The following TUBAL3 variants were observed in gnomAD, a reference collection of about 807,000 sequenced individuals.
TUBAL3 encodes tubulin alpha chain-like 3.
A neutral mutation model predicts 15.5 loss-of-function variants in TUBAL3; 16 were observed. The ratio of observed to expected loss-of-function variants is 1.04; its 90% CI spans 0.70 to 1.57. TUBAL3 has a LOEUF of 1.57. Ranked by LOEUF, TUBAL3 falls within the 40% of genes most tolerant of loss-of-function variation. The probability of loss-of-function intolerance (pLI) is 0.00; values close to 1 mark genes in which losing one functional copy is unlikely to be tolerated. For synonymous variants in TUBAL3, 238 were observed against 224.3 expected (o/e 1.06, Z -0.55); for missense variants, 609 against 576.2 (o/e 1.06, Z -0.58).
At position 5,397,873 on chromosome 10, in the gene TUBAL3, C is replaced by A. The variant is rs6601958; in HGVS notation, c.248-2398G>T. Among the ~76,000 whole-genome samples, 1 of 151,982 alleles carries A rather than the reference C, an allele frequency of 6.6e-6. No homozygotes were observed. Among genetic ancestry groups the A allele is most frequent in the Admixed American group, 6.5e-5 (1 of 15,278 alleles). On this transcript the variant is annotated intron_variant, in intron 2 of 3. Transcript: ENST00000380419. The surrounding 1 kb of genome is among the most constrained non-coding windows in gnomAD (Gnocchi z 4.9). Reference sequence around the variant, plus strand: ...TTGAGCCTGCCCCAGACCATCTTCCCAGACTCATCCCCTGCTTTGAGCTCC... The same window carrying A: ...TTGAGCCTGCCCCAGACCATCTTCCAAGACTCATCCCCTGCTTTGAGCTCC...
intron 2 of TUBAL3, 61 bp downstream of exon 2, chr10:5,400,783 C>T (rs1554814556): frequency 6.2e-7 from 1 of 1,600,558 alleles, no homozygotes; most frequent in Non-Finnish European, 8.5e-7. Context: ...CTAATCCCAT[C>T]CACTTGATTT....
At position 5,400,955 on chromosome 10, in the gene TUBAL3, T is replaced by A. The variant is rs782311341; in HGVS notation, c.136A>T (p.Asn46Tyr). ...VLDTQQDQLE[N>Y]AKMEHTNASF... ...GCATTTGTGTGCTCCATTTTTGCATTTTCCAGCTGATCCTGTTGAGTGTCA... is the reference window on the plus strand; with the variant it reads ...GCATTTGTGTGCTCCATTTTTGCATATTCCAGCTGATCCTGTTGAGTGTCA... Residue 46 changes from asparagine (N) to tyrosine (Y), a missense_variant, in exon 2 of 4, where the codon AAT becomes TAT. Physicochemically the swap from Asn to Tyr is moderately radical, Grantham distance 143. Coordinates refer to ENST00000380419, the MANE Select transcript of TUBAL3 (RefSeq NM_024803.3). 6.2e-7 allele frequency: 1 copy of A among 1,614,248 alleles called. No individual in the cohort carries two copies. Among genetic ancestry groups the A allele is most frequent in the Non-Finnish European group, 8.5e-7 (1 of 1,180,044 alleles).
At position 5,399,201 on chromosome 10, in the gene TUBAL3, G is replaced by A. The variant is rs374102260; in HGVS notation, c.247+1643C>T. On this transcript the variant is annotated intron_variant, in intron 2 of 3. Transcript: ENST00000380419. ...TCCTGACAGAGTGTTGAAAGAATTAGAGGAAAATACCTGTGCAGTTCCCCA... is the reference window on the plus strand; with the variant it reads ...TCCTGACAGAGTGTTGAAAGAATTAAAGGAAAATACCTGTGCAGTTCCCCA... 5.4e-4 allele frequency among the ~76,000 whole-genome samples: 83 copies of A among 152,308 alleles called. 1 individual carries two copies. The highest frequency in any genetic ancestry group is 1.9e-3 in the African/African-American group (78 of 41,570).
intron 2 of TUBAL3, 96 bp downstream of exon 2, chr10:5,400,746 TCC>T: frequency 6.8e-7 from 1 of 1,471,346 alleles, no homozygotes; most frequent in South Asian, 1.3e-5. Context: ...TCCATGTGAT[TCC>T]ATTCAGATAG....
chr10:5,394,244 G>GT lies in TUBAL3; in HGVS notation c.613dup (p.Thr205AsnfsTer14). On this transcript the variant is annotated frameshift_variant, in exon 4 of 4. Coordinates refer to ENST00000380419, the MANE Select transcript of TUBAL3 (RefSeq NM_024803.3). LOFTEE classifies it low-confidence loss of function (END_TRUNC). This position sits in a 1 kb window ranked among gnomAD's most constrained non-coding sequence, Gnocchi z 4.3. ...GTTGTCCACCATGAAGGTACAGTCC[G>GT]TGTGCTCTGTGGTGGAGTGGGTGGT... 6.2e-7 allele frequency: 1 copy of GT among 1,614,154 alleles called. No individual in the cohort carries two copies. Among genetic ancestry groups the GT allele is most frequent in the Non-Finnish European group, 8.5e-7 (1 of 1,180,034 alleles).
rs1460740571 is a variant in TUBAL3 at position 5,396,937 on chromosome 10, A to T, written c.248-1462T>A. On this transcript the variant is annotated intron_variant, in intron 2 of 3. Transcript: ENST00000380419. This position sits in a 1 kb window ranked among gnomAD's most constrained non-coding sequence, Gnocchi z 5.1. ...TCTTGCCTTCCTCACTAAGCTAGAG[A>T]GAAGTTACTTAGTCAATGATTTTAG... Among the ~76,000 whole-genome samples, 1 of 152,252 alleles carries T rather than the reference A, an allele frequency of 6.6e-6. No individual in the cohort carries two copies. The highest frequency in any genetic ancestry group is 2.4e-5 in the African/African-American group (1 of 41,466).
At chr10:5,400,352 C>G (rs1402643703) in intron 2 of TUBAL3, among the ~76,000 whole-genome samples, 4 of 152,180 alleles carry the variant, frequency 2.6e-5, no homozygotes, top group African/African-American at 9.7e-5. Flanking sequence ...CTAACCTAGG[C>G]CAAGTGTGGT....
At chr10:5,399,871 C>T (rs144029785) in intron 2 of TUBAL3, among the ~76,000 whole-genome samples, 220 of 152,254 alleles carry the variant, frequency 1.4e-3, no homozygotes, top group Non-Finnish European at 2.0e-3. Flanking sequence ...CCTCTGAGCC[C>T]CACCCAAACT....
chr10:5,395,354 G>A lies in TUBAL3; in HGVS notation c.369C>T (p.Asp123=). The A allele has an allele frequency of 1.9e-6, 3 of 1,587,296 alleles. No individual in the cohort carries two copies. The highest frequency in any genetic ancestry group is 2.6e-6 in the Non-Finnish European group (3 of 1,163,062). The change falls in exon 3 of 4, where the codon GAC becomes GAT. Residue 123 remains aspartate, a synonymous_variant. Coordinates refer to ENST00000380419, the MANE Select transcript of TUBAL3 (RefSeq NM_024803.3). This position sits in a 1 kb window ranked among gnomAD's most constrained non-coding sequence, Gnocchi z 4.6. ...GRYSVGSEVI[D]LVLERTRKLA... Reference sequence around the variant, plus strand: ...GCTTCCGGGTCCTCTCCAGCACAAGGTCGATGACCTCCGACCCCACAGAGT... The same window carrying A: ...GCTTCCGGGTCCTCTCCAGCACAAGATCGATGACCTCCGACCCCACAGAGT...
Position 5,395,834 on chromosome 10 carries a change from G to A in TUBAL3, c.248-359C>T, listed in dbSNP as rs768002414. Reference sequence around the variant, plus strand: ...TTGGTAGGCTTGGTTCCTGCTGGAGGCCCCAGGGAGCGTCTGGTCCAAACA... The same window carrying A: ...TTGGTAGGCTTGGTTCCTGCTGGAGACCCCAGGGAGCGTCTGGTCCAAACA... On this transcript the variant is annotated intron_variant, in intron 2 of 3. Transcript: ENST00000380419. This position sits in a 1 kb window ranked among gnomAD's most constrained non-coding sequence, Gnocchi z 4.6. 4.6e-5 allele frequency among the ~76,000 whole-genome samples: 7 copies of A among 152,080 alleles called. No individual in the cohort carries two copies. The highest frequency in any genetic ancestry group is 7.4e-5 in the Non-Finnish European group (5 of 67,994).
chr10:5,398,503 G>A (rs1408940900), intron 2 of TUBAL3, among the ~76,000 whole-genome samples: 2 of 150,452 alleles, frequency 1.3e-5, no homozygotes, highest in African/African-American at 4.9e-5. Flanking sequence ...GGACCCCAAA[G>A]TGGGAAGACT....
Position 5,393,502 on chromosome 10 carries a change from C to T in TUBAL3, c.*15G>A, listed in dbSNP as rs1554813681. Reference sequence around the variant, plus strand: ...CATTTTAACTTGACATTCATTTGCACCCATCATACATGCCTCAGAAACTTT... The same window carrying T: ...CATTTTAACTTGACATTCATTTGCATCCATCATACATGCCTCAGAAACTTT... On this transcript the variant is annotated 3_prime_UTR_variant, in exon 4 of 4. Coordinates refer to ENST00000380419, the MANE Select transcript of TUBAL3 (RefSeq NM_024803.3). The T allele has an allele frequency of 1.3e-6, 2 of 1,574,448 alleles. No individual in the cohort carries two copies. The highest frequency in any genetic ancestry group is 1.7e-6 in the Non-Finnish European group (2 of 1,160,032).
rs1285855090 is a variant in TUBAL3, at chr10:5,397,100, T to C, written c.248-1625A>G. On this transcript the variant is annotated intron_variant, in intron 2 of 3. Transcript: ENST00000380419. The surrounding 1 kb of genome is among the most constrained non-coding windows in gnomAD (Gnocchi z 4.9). The stretch of plus-strand genomic sequence containing the variant: ...GCTTCATGACATGCATTTATGCAGA[T>C]TTACCTCATTATACACCACCAGCCT... Among the ~76,000 whole-genome samples the C allele has an allele frequency of 2.6e-5, 4 of 152,178 alleles. No individual in the cohort carries two copies. Among genetic ancestry groups the C allele is most frequent in the Non-Finnish European group, 5.9e-5 (4 of 68,028 alleles).
At chr10:5,403,025 C>T (rs1395044585) in intron 1 of TUBAL3, among the ~76,000 whole-genome samples, 1 of 152,178 alleles carries the variant, frequency 6.6e-6, no homozygotes, top group African/African-American at 2.4e-5. Flanking sequence ...GGCATCAAAC[C>T]TTTGTACTTT....
At position 5,395,896 on chromosome 10, in the gene TUBAL3, CT is replaced by C. The variant is rs1271340983; in HGVS notation, c.248-422del. Among the ~76,000 whole-genome samples the C allele has an allele frequency of 6.6e-6, 1 of 152,134 alleles. No homozygotes were observed. Among genetic ancestry groups the C allele is most frequent in the African/African-American group, 2.4e-5 (1 of 41,422 alleles). ...ACCGGGTGACTTACAATTCTTAGCT[CT>C]CCTTGGCTTCTAGCTACCCCCTTCC... On this transcript the variant is annotated intron_variant, in intron 2 of 3. Coordinates refer to ENST00000380419, the MANE Select transcript of TUBAL3 (RefSeq NM_024803.3). This position sits in a 1 kb window ranked among gnomAD's most constrained non-coding sequence, Gnocchi z 4.6.
intron 1 of TUBAL3, among the ~76,000 whole-genome samples, chr10:5,403,311 T>C (rs1423062787): frequency 1.3e-5 from 2 of 152,172 alleles, no homozygotes; most frequent in Non-Finnish European, 2.9e-5. Context: ...CATCAGCTGC[T>C]GTAATCTGAT....
rs146552059 is a variant in TUBAL3 at position 5,395,462 on chromosome 10, C to T, written c.261G>A (p.Thr87=). 1,228 of 1,543,452 alleles carry T rather than the reference C, an allele frequency of 8.0e-4. 1 individual carries two copies. The highest frequency in any genetic ancestry group is 9.8e-4 in the Non-Finnish European group (1,114 of 1,136,530). Residue 87 remains threonine, a synonymous_variant, in exon 3 of 4, where the codon ACG becomes ACA. Transcript: ENST00000380419. This position sits in a 1 kb window ranked among gnomAD's most constrained non-coding sequence, Gnocchi z 4.6. ...GGTGGAAGAGTGAACGGTGCTGGCC[C>T]GTCCGGATCCCATCTGCAGAGGGTG... ...LEPTVIDGIR[T]GQHRSLFHPE...
At position 5,395,344 on chromosome 10, in the gene TUBAL3, C is replaced by G; in HGVS notation, c.379G>C (p.Glu127Gln). Residue 127 changes from glutamate to glutamine, a missense_variant, in exon 3 of 4, where the codon GAG becomes CAG. Transcript: ENST00000380419. The surrounding 1 kb of genome is among the most constrained non-coding windows in gnomAD (Gnocchi z 4.6). ...CCACTTGCCAGCTTCCGGGTCCTCT[C>G]CAGCACAAGGTCGATGACCTCCGAC... ...VGSEVIDLVLERTRKLAEQCG... is the reference protein window; with the variant it reads ...VGSEVIDLVLQRTRKLAEQCG... 2 of 1,573,930 alleles carry G rather than the reference C, an allele frequency of 1.3e-6. No homozygotes were observed. Among genetic ancestry groups the G allele is most frequent in the Admixed American group, 3.5e-5 (2 of 57,222 alleles).
At chr10:5,404,467 G>GA (rs1831901450) in intron 1 of TUBAL3, among the ~76,000 whole-genome samples, 2 of 152,142 alleles carry the variant, frequency 1.3e-5, no homozygotes. Context: ...AATATCTACA[G>GA]AAAAATCAGC....
Sources: allele counts gnomAD v4.1 joint callset (sites outside exome capture counted in the v4.1 genomes callset), GRCh38; gene constraint gnomAD v4.1.1; non-coding constraint Gnocchi (gnomAD v3.1); transcripts MANE v1.5; gene names NCBI Gene and HGNC (gene_info 2026-07-23, HGNC 2026-07-21).